CACNA2D3: variants seen among roughly 807,000 people sequenced by gnomAD.
The protein encoded by CACNA2D3 is calcium voltage-gated channel auxiliary subunit alpha2delta 3.
CACNA2D3 carries 60 observed loss-of-function variants against 160.6 expected under a neutral mutation model. The ratio of observed to expected loss-of-function variants is 0.37; its 90% CI spans 0.30 to 0.46. The LOEUF is 0.46. CACNA2D3 is among the 20% of genes least tolerant of loss of function. The pLI, the probability that CACNA2D3 is intolerant of heterozygous loss-of-function variation, is 1.00. For synonymous variants in CACNA2D3, 558 were observed against 492.9 expected (o/e 1.13, Z -1.75); for missense variants, 1,205 against 1,365.0 (o/e 0.88, Z 1.85).
chr3:54,546,281 C>T (rs1282962485), intron 5 of CACNA2D3, among the ~76,000 whole-genome samples: 1 of 152,142 alleles, frequency 6.6e-6, no homozygotes, highest in African/African-American at 2.4e-5. Flanking sequence ...CTCCACAAAA[C>T]CATTTTTACC....
At chr3:54,273,469 A>G (rs1437501085) in intron 2 of CACNA2D3, among the ~76,000 whole-genome samples, 2 of 152,080 alleles carry the variant, frequency 1.3e-5, no homozygotes, top group Non-Finnish European at 2.9e-5. Flanking sequence ...CCCCAATCAC[A>G]TATAAACTAA....
chr3:54,638,521 C>A (rs1186206688), intron 10 of CACNA2D3: 1 of 151,760 alleles, frequency 6.6e-6, no homozygotes, highest in Non-Finnish European at 1.5e-5. Context: ...CCTAGCTCGG[C>A]CTGGCAAGGA....
chr3:54,831,801 T>G (rs1039241508), intron 14 of CACNA2D3, among the ~76,000 whole-genome samples: 3 of 152,120 alleles, frequency 2.0e-5, no homozygotes, highest in African/African-American at 7.2e-5. Flanking sequence ...GCCTAGGTCA[T>G]TTATGGCCCA....
Position 54,909,241 on chromosome 3 carries a change from C to G in CACNA2D3, c.2449+9373C>G, listed in dbSNP as rs529209030. ...TCACTCTAGCTTATAAATCTCTGAA[C>G]AGTGCAATCAGCATAATGCTTGGTA... On this transcript the variant is annotated intron_variant, in intron 27 of 37. Coordinates refer to ENST00000474759, the MANE Select transcript of CACNA2D3 (RefSeq NM_018398.3). 9.6e-4 allele frequency among the ~76,000 whole-genome samples: 146 copies of G among 152,086 alleles called. 1 individual carries two copies. The South Asian group carries it at 0.011, about 12-fold the overall frequency.
intron 34 of CACNA2D3, among the ~76,000 whole-genome samples, chr3:55,014,207 T>C (rs1345668672): frequency 6.6e-6 from 1 of 152,196 alleles, no homozygotes; most frequent in Non-Finnish European, 1.5e-5. Flanking sequence ...GTTTGGCATG[T>C]AGTAAGTGCA....
chr3:54,516,334 G>A (rs1390146530), intron 5 of CACNA2D3, among the ~76,000 whole-genome samples: 1 of 152,156 alleles, frequency 6.6e-6, no homozygotes, highest in Non-Finnish European at 1.5e-5. Flanking sequence ...TCTCCAAAGT[G>A]CCACCGTCTG....
At chr3:54,317,548 C>CT (rs367563025) in intron 2 of CACNA2D3, among the ~76,000 whole-genome samples, 61 of 149,800 alleles carry the variant, frequency 4.1e-4, no homozygotes, top group African/African-American at 1.4e-3. Context: ...TTTTTTTTTT[C>CT]TTTTTTGAGA....
intron 3 of CACNA2D3, among the ~76,000 whole-genome samples, chr3:54,361,021 A>G (rs532292432): frequency 7.9e-5 from 12 of 152,212 alleles, no homozygotes; most frequent in African/African-American, 2.9e-4. Flanking sequence ...AGAATGGTTA[A>G]TATTTGTCAC....
At chr3:54,591,573 T>G (rs1702860335) in intron 9 of CACNA2D3, among the ~76,000 whole-genome samples, 1 of 150,398 alleles carries the variant, frequency 6.6e-6, no homozygotes, top group South Asian at 2.1e-4. Flanking sequence ...AAAAGTTTTT[T>G]TTTTTTTTTT....
At chr3:54,297,393 T>C (rs1323000471) in intron 2 of CACNA2D3, among the ~76,000 whole-genome samples, 3 of 152,154 alleles carry the variant, frequency 2.0e-5, no homozygotes. Context: ...AGGAGAGTCC[T>C]GGTGGGGGGT....
intron 30 of CACNA2D3, among the ~76,000 whole-genome samples, chr3:54,986,142 G>C (rs547517022): frequency 6.6e-6 from 1 of 152,272 alleles, no homozygotes; most frequent in South Asian, 2.1e-4. Flanking sequence ...AGGGGTGAGA[G>C]AGGAATGATC....
At chr3:54,214,816 G>C (rs1701432565) in intron 2 of CACNA2D3, among the ~76,000 whole-genome samples, 1 of 152,222 alleles carries the variant, frequency 6.6e-6, no homozygotes, top group Admixed American at 6.5e-5. Flanking sequence ...TGGTAGTAAG[G>C]ACAGAGTGAG....
intron 2 of CACNA2D3, chr3:54,272,940 C>T (rs1006671227): frequency 6.6e-6 from 1 of 152,358 alleles, no homozygotes; most frequent in African/African-American, 2.4e-5. Flanking sequence ...CTTTGTCTCT[C>T]CCTGAGCCCT....
At chr3:54,811,013 G>C (rs1257223782) in intron 13 of CACNA2D3, among the ~76,000 whole-genome samples, 1 of 152,116 alleles carries the variant, frequency 6.6e-6, no homozygotes, top group Non-Finnish European at 1.5e-5. Context: ...GGCTCTCCCT[G>C]GTGGGATGTC....
rs146942362 is a variant in CACNA2D3, at chr3:54,277,231, G to A, written c.205-43211G>A. On this transcript the variant is annotated intron_variant, in intron 2 of 37. Transcript: ENST00000474759. ...CCTATGTCCTGAATGATATTGCCTA[G>A]GTTTTCTTCTAGGGTTTTTATGGTT... 9.9e-3 allele frequency among the ~76,000 whole-genome samples: 1,502 copies of A among 152,292 alleles called. 32 individuals carry two copies. Among genetic ancestry groups the A allele is most frequent in the African/African-American group, 0.035 (1,435 of 41,562 alleles).
At chr3:55,036,400 T>C (rs997509094) in intron 35 of CACNA2D3, among the ~76,000 whole-genome samples, 1 of 152,166 alleles carries the variant, frequency 6.6e-6, no homozygotes. Flanking sequence ...TGAGTTGAGA[T>C]TGCACCAAGC....
chr3:54,822,832 T>TTTCTTTCTTTCTTTCTTTCTTTCTTTTC (rs1553874401), intron 14 of CACNA2D3, among the ~76,000 whole-genome samples: 4 of 57,982 alleles, frequency 6.9e-5, no homozygotes, highest in Admixed American at 1.9e-4. Context: ...TCTTTCTTTC[T>TTTCTTTCTTTCTTTCTTTCTTTCTTTTC]TTTCTTTCTT....
chr3:55,003,585 G>T, intron 31 of CACNA2D3, among the ~76,000 whole-genome samples: 1 of 152,130 alleles, frequency 6.6e-6, no homozygotes, highest in East Asian at 1.9e-4. Context: ...GTCTTCGTAG[G>T]GGAGGGAAAA....
At chr3:54,484,008 C>T (rs1189170991) in intron 4 of CACNA2D3, among the ~76,000 whole-genome samples, 1 of 152,152 alleles carries the variant, frequency 6.6e-6, no homozygotes. Flanking sequence ...TAGATTCTGT[C>T]ACCTCCTAGC....
Sources: allele counts gnomAD v4.1 joint callset (sites outside exome capture counted in the v4.1 genomes callset), GRCh38; gene constraint gnomAD v4.1.1; transcripts MANE v1.5; gene names NCBI Gene and HGNC (gene_info 2026-07-23, HGNC 2026-07-21).